The following NR2E1 variants were observed in gnomAD, a reference collection of about 807,000 sequenced individuals.
NR2E1 encodes nuclear receptor subfamily 2 group E member 1.
In NR2E1, 5 loss-of-function variants were observed where a neutral mutation model predicts 43.6. That is an observed-to-expected ratio of 0.11 (90% CI 0.06 to 0.24). The LOEUF is 0.24. Among genes scored for constraint, NR2E1 ranks in the 10% least tolerant of loss-of-function variants. The pLI is 1.00. For missense variants in NR2E1, 287 were observed against 496.7 expected, an observed-to-expected ratio of 0.58 and a Z score of 4.01; for synonymous variants, 191 against 195.5, an observed-to-expected ratio of 0.98 and a Z score of 0.19.
chr6:108,182,575 T>G (rs932897254), intron 8 of NR2E1, among the ~76,000 whole-genome samples: 18 of 150,608 alleles, frequency 1.2e-4, no homozygotes, highest in South Asian at 2.1e-4. Context: ...TTTTTTTTTT[T>G]TGAGACAGAG....
rs1243456418 is a variant in NR2E1 at position 108,181,107 on chromosome 6, T to A, written c.889+151T>A. On this transcript the variant is annotated intron_variant, in intron 7 of 8. Transcript: ENST00000368986. ...TTAATCTGGCCCCATTTTTTATTGC[T>A]ATGGGAACCTGCATGTTCTGCTGGG... is the stretch of plus-strand genomic sequence containing the variant. 7 of 858,906 alleles carry A rather than the reference T, an allele frequency of 8.1e-6. 1 individual carries two copies. The highest frequency in any genetic ancestry group is 1.4e-5 in the Non-Finnish European group (7 of 505,332). The allele number at this position is 858,906 out of a possible 1,614,324, so 53.2% of individuals were successfully genotyped here. A position where few individuals can be genotyped will look rare whatever the true frequency, so the allele number is the denominator to read the frequency against.
In NR2E1 at chr6:108,166,407, T is replaced by G. The variant is rs1773708754; in HGVS notation, c.-359T>G. 1 of 261,010 alleles carries G rather than the reference T, an allele frequency of 3.8e-6. No homozygotes were observed. The highest frequency in any genetic ancestry group is 5.6e-5 in the Admixed American group (1 of 17,774). 16.2% of individuals were successfully genotyped at this position (261,010 alleles called of 1,614,324 possible). ...GATTTCGCTCCGTAGGAAGGCCATT[T>G]TCGTGTCTCCATCTCTGTCTTTCAA... is the stretch of plus-strand genomic sequence containing the variant. On this transcript the variant is annotated 5_prime_UTR_variant, in exon 1 of 9. Coordinates refer to ENST00000368986, the MANE Select transcript of NR2E1 (RefSeq NM_003269.5). This position sits in a 1 kb window ranked among gnomAD's most constrained non-coding sequence, Gnocchi z 7.2.
intron 2 of NR2E1, among the ~76,000 whole-genome samples, chr6:108,174,000 G>T: frequency 6.6e-6 from 1 of 152,168 alleles, no homozygotes. Flanking sequence ...AACAGTCTGA[G>T]CCCATATTAT....
Position 108,182,432 on chromosome 6 carries a change from G to T in NR2E1, c.995+781G>T, listed in dbSNP as rs970660114. Among the ~76,000 whole-genome samples, 181 of 151,670 alleles carry T rather than the reference G, an allele frequency of 1.2e-3. 1 individual carries two copies. Among genetic ancestry groups the T allele is most frequent in the Admixed American group, 0.011 (165 of 15,240 alleles). On this transcript the variant is annotated intron_variant, in intron 8 of 8. Coordinates refer to ENST00000368986, the MANE Select transcript of NR2E1 (RefSeq NM_003269.5). ...CTTGCTCTGTTGCCCAGGCTGGAAG[G>T]CTGAAGTGCAGTGGCATGTGAGCAT...
rs1033259324 is a variant in NR2E1 at position 108,169,199 on chromosome 6, C to A, written c.26-2259C>A. On this transcript the variant is annotated intron_variant, in intron 1 of 8. Coordinates refer to ENST00000368986, the MANE Select transcript of NR2E1 (RefSeq NM_003269.5). This position sits in a 1 kb window ranked among gnomAD's most constrained non-coding sequence, Gnocchi z 6.1. The stretch of plus-strand genomic sequence containing the variant: ...CCCCGGAATTTTCGCGTCCCTCCCT[C>A]CTGGGCCCCGCCCCAGCCCGGTTGC... Among the ~76,000 whole-genome samples the A allele has an allele frequency of 6.6e-6, 1 of 152,208 alleles. No individual in the cohort carries two copies. The highest frequency in any genetic ancestry group is 1.5e-5 in the Non-Finnish European group (1 of 68,026).
At chr6:108,181,230 G>A (rs1409470258) in intron 7 of NR2E1, among the ~76,000 whole-genome samples, 3 of 151,186 alleles carry the variant, frequency 2.0e-5, no homozygotes, top group Admixed American at 2.0e-4. Flanking sequence ...TCTTGCTCTT[G>A]TCACCCAGGC....
In NR2E1 at chr6:108,166,557, G is replaced by A; in HGVS notation, c.-209G>A. The A allele has an allele frequency of 2.0e-6, 1 of 508,928 alleles. No homozygotes were observed. The highest frequency in any genetic ancestry group is 2.9e-5 in the South Asian group (1 of 33,926). 31.5% of individuals were successfully genotyped at this position (508,928 alleles called of 1,614,324 possible). The stretch of plus-strand genomic sequence containing the variant: ...GCTGCGGTTTTGCAAGAGCCGGGAA[G>A]AAACTTAAGGATGCTTAAATTTCCA... On this transcript the variant is annotated 5_prime_UTR_variant, in exon 1 of 9. Coordinates refer to ENST00000368986, the MANE Select transcript of NR2E1 (RefSeq NM_003269.5). This position sits in a 1 kb window ranked among gnomAD's most constrained non-coding sequence, Gnocchi z 7.2.
intron 5 of NR2E1, 60 bp downstream of exon 5, chr6:108,178,301 C>A: frequency 6.3e-7 from 1 of 1,586,220 alleles, no homozygotes; most frequent in Non-Finnish European, 8.7e-7. Flanking sequence ...TAGCACTCAG[C>A]CTTATAAAAC....
chr6:108,177,953 C>G, intron 4 of NR2E1, 142 bp from the exon 5 acceptor site: 2 of 852,324 alleles, frequency 2.3e-6, no homozygotes, highest in South Asian at 2.8e-5. Flanking sequence ...TTTTACCCAC[C>G]AATGTCAACT....
chr6:108,178,051 G>A (rs749249050), intron 4 of NR2E1, 44 bp from the exon 5 acceptor site: 3 of 1,609,166 alleles, frequency 1.9e-6, no homozygotes, highest in Non-Finnish European at 2.6e-6. Context: ...TTGCAAAGCT[G>A]TGGTTTCCTC....
At chr6:108,174,736 G>T (rs2233490) in intron 2 of NR2E1, 100 bp from the exon 3 acceptor site, 2 of 960,792 alleles carry the variant, frequency 2.1e-6, no homozygotes, top group East Asian at 5.1e-5. Flanking sequence ...CTGCGGCCGG[G>T]CAAGGTCGCG....
chr6:108,172,375 C>T (rs1773827939), intron 2 of NR2E1, among the ~76,000 whole-genome samples: 1 of 152,200 alleles, frequency 6.6e-6, no homozygotes, highest in African/African-American at 2.4e-5. Flanking sequence ...TTGTTTTGGT[C>T]TTGAGTAGGC....
At chr6:108,176,185 C>A (rs1203852374) in intron 3 of NR2E1, 2 of 406,174 alleles carry the variant, frequency 4.9e-6, no homozygotes, top group South Asian at 3.7e-5. Flanking sequence ...GGTTTCCCTG[C>A]GAACCCCCTT....
chr6:108,186,800 G>T (rs1445275521), intron 8 of NR2E1, among the ~76,000 whole-genome samples: 1 of 152,242 alleles, frequency 6.6e-6, no homozygotes, highest in Admixed American at 6.5e-5. Flanking sequence ...AGTGTAATAA[G>T]GATGGAATTA....
chr6:108,171,322 C>T, intron 1 of NR2E1, 136 bp from the exon 2 acceptor site: 1 of 956,434 alleles, frequency 1.0e-6, no homozygotes, highest in Non-Finnish European at 1.6e-6. Flanking sequence ...TTTGCTTTTA[C>T]CGCAGCTTCG....
Position 108,187,496 on chromosome 6 carries a change from A to C in NR2E1, c.*33A>C, listed in dbSNP as rs1774093878. The C allele has an allele frequency of 1.2e-6, 2 of 1,609,922 alleles. No individual in the cohort carries two copies. The highest frequency in any genetic ancestry group is 3.3e-5 in the Admixed American group (2 of 60,006). ...AGATACCCACTTTTCAGGATGGGACAGTATCAGATGAACTTCAACCCATGG... is the reference window on the plus strand; with the variant it reads ...AGATACCCACTTTTCAGGATGGGACCGTATCAGATGAACTTCAACCCATGG... On this transcript the variant is annotated 3_prime_UTR_variant, in exon 9 of 9. Transcript: ENST00000368986.
Position 108,169,919 on chromosome 6 carries a change from A to T in NR2E1, c.26-1539A>T, listed in dbSNP as rs888540536. ...CAGGTGCTGCCGCGGGGTTGTAATT[A>T]CCCGGCCGAGCCTGGTCGTTACCGA... On this transcript the variant is annotated intron_variant, in intron 1 of 8. Transcript: ENST00000368986. This position sits in a 1 kb window ranked among gnomAD's most constrained non-coding sequence, Gnocchi z 6.1. 4.6e-5 allele frequency among the ~76,000 whole-genome samples: 7 copies of T among 151,662 alleles called. No homozygotes were observed. The highest frequency in any genetic ancestry group is 1.2e-4 in the African/African-American group (5 of 41,232).
rs781361963 is a variant in NR2E1 at position 108,171,535 on chromosome 6, G to T, written c.103G>T (p.Gly35Cys). Residue 35 changes from glycine (G) to cysteine (C), a missense_variant, in exon 2 of 9, where the codon GGC becomes TGC. Coordinates refer to ENST00000368986, the MANE Select transcript of NR2E1 (RefSeq NM_003269.5). The part of the protein sequence containing the change: ...GKHYGVYACD[G>C]CSGFFKRSIR... ...GCACTACGGGGTCTACGCCTGCGAC[G>T]GCTGCTCAGGTTTTTTCAAACGGAG... is the stretch of plus-strand genomic sequence containing the variant. 1 of 1,614,052 alleles carries T rather than the reference G, an allele frequency of 6.2e-7. No homozygotes were observed. The highest frequency in any genetic ancestry group is 1.1e-5 in the South Asian group (1 of 91,076).
chr6:108,173,569 C>A (rs1235911096), intron 2 of NR2E1, among the ~76,000 whole-genome samples: 2 of 152,146 alleles, frequency 1.3e-5, no homozygotes, highest in Non-Finnish European at 2.9e-5. Flanking sequence ...CATAAAACTG[C>A]ATTCGAATGT....
Sources: allele counts gnomAD v4.1 joint callset (sites outside exome capture counted in the v4.1 genomes callset), GRCh38; gene constraint gnomAD v4.1.1; non-coding constraint Gnocchi (gnomAD v3.1); transcripts MANE v1.5; gene names NCBI Gene and HGNC (gene_info 2026-07-23, HGNC 2026-07-21).